The following OCM2 variants were observed in gnomAD, a reference collection of about 807,000 sequenced individuals.
The protein encoded by OCM2 is oncomodulin-2.
A neutral mutation model predicts 13.6 loss-of-function variants in OCM2; 6 were observed. The ratio of observed to expected loss-of-function variants is 0.44; its 90% CI spans 0.24 to 0.87. The LOEUF (loss-of-function observed/expected upper bound fraction) is 0.87. Ranked by LOEUF, OCM2 falls within the 40% of genes least tolerant of loss-of-function variation. The pLI is 0.22. For missense variants in OCM2, 118 were observed against 136.8 expected, an observed-to-expected ratio of 0.86 and a Z score of 0.68; for synonymous variants, 40 against 50.7, an observed-to-expected ratio of 0.79 and a Z score of 0.90.
At chr7:97,987,006 T>A (rs770858783) in intron 3 of OCM2, 41 bp downstream of exon 3, 2 of 1,609,238 alleles carry the variant, frequency 1.2e-6, no homozygotes, top group Non-Finnish European at 1.7e-6. Context: ...GGATGCTTCC[T>A]GAGCTAGAGT....
At chr7:97,988,059 C>T (rs1794689773) in intron 2 of OCM2, among the ~76,000 whole-genome samples, 1 of 151,936 alleles carries the variant, frequency 6.6e-6, no homozygotes, top group Admixed American at 6.6e-5. Flanking sequence ...GATGTGGTGG[C>T]AAGCACCTGT....
At chr7:97,987,060 T>A in exon 3 of OCM2, 1 of 1,613,388 alleles carries the variant, frequency 6.2e-7, no homozygotes, top group Non-Finnish European at 8.5e-7. Flanking sequence ...CTGCTCCAAT[T>A]TTCCCATCTC....
chr7:97,987,176 C>A lies in OCM2; in HGVS notation c.195-20G>T. On this transcript the variant is annotated intron_variant, in intron 2 of 3. Transcript: ENST00000257627. ...AAAAACCTACAGGATAATAAAGATC[C>A]ATGGGGATTTTCAAAAAGGTCGTGC... The A allele has an allele frequency of 6.2e-7, 1 of 1,612,894 alleles. No individual in the cohort carries two copies. Among genetic ancestry groups the A allele is most frequent in the Non-Finnish European group, 8.5e-7 (1 of 1,179,088 alleles).
intron 3 of OCM2, among the ~76,000 whole-genome samples, chr7:97,986,165 G>A (rs1374178619): frequency 6.6e-6 from 1 of 152,138 alleles, no homozygotes; most frequent in Non-Finnish European, 1.5e-5. Flanking sequence ...TGCCCACCTT[G>A]GCCTCCAAAA....
intron 3 of OCM2, among the ~76,000 whole-genome samples, chr7:97,985,431 A>AGAAAGAAAGAAAGAAAGAAAGAAAGAAAG (rs1554366492): frequency 7.6e-6 from 1 of 131,500 alleles, no homozygotes; most frequent in African/African-American, 2.7e-5. Flanking sequence ...AAAAAAAAAA[A>AGAAAGAAAGAAAGAAAGAAAGAAAGAAAG]AAAGAAAGAA....
intron 2 of OCM2, among the ~76,000 whole-genome samples, chr7:97,987,724 C>G (rs1189532321): frequency 6.6e-6 from 1 of 151,886 alleles, no homozygotes; most frequent in Non-Finnish European, 1.5e-5. Context: ...TCTCTGTCAC[C>G]CAGGCTGGAG....
chr7:97,990,016 T>TGGCGCCCCCCCCCCCCCC, intron 1 of OCM2, 28 bp downstream of exon 1: 1 of 1,083,840 alleles, frequency 9.2e-7, no homozygotes, highest in Non-Finnish European at 1.4e-6. Flanking sequence ...TGTGAGGAAA[T>TGGCGCCCCCCCCCCCCCC]CCCACCCCCG....
rs60506626 is a variant in OCM2 at position 97,985,418 on chromosome 7, CAAA to C, written c.305-438_305-436del. Among the ~76,000 whole-genome samples the C allele has an allele frequency of 7.9e-3, 708 of 89,674 alleles. 9 individuals are homozygous for C. The highest frequency in any genetic ancestry group is 0.03 in the African/African-American group (668 of 22,036). 58.8% of individuals were successfully genotyped at this position (89,674 alleles called of 152,430 possible). A position where few individuals can be genotyped will look rare whatever the true frequency, so the allele number is the denominator to read the frequency against. On this transcript the variant is annotated intron_variant, in intron 3 of 3. Coordinates refer to ENST00000257627, the Ensembl canonical transcript of OCM2. ...TGGGCGAGAGAGCCAGACTCCATCTCAAAAAAAAAAAAAAAAGAAAGAAAGAAA... is the reference window on the plus strand; with the variant it reads ...TGGGCGAGAGAGCCAGACTCCATCTCAAAAAAAAAAAAAGAAAGAAAGAAA...
chr7:97,986,384 G>A (rs943646136), intron 3 of OCM2, among the ~76,000 whole-genome samples: 1 of 151,718 alleles, frequency 6.6e-6, no homozygotes, highest in African/African-American at 2.4e-5. Flanking sequence ...CCACCAGAAG[G>A]ACCACCATAC....
rs557066500 is a variant in OCM2, at chr7:97,988,289, A to G, written c.194+127T>C. 8.7e-5 allele frequency: 104 copies of G among 1,190,404 alleles called. 1 individual carries two copies. The South Asian group carries it at 1.5e-3, about 17-fold the overall frequency. 73.7% of individuals were successfully genotyped at this position (1,190,404 alleles called of 1,614,324 possible). A position where few individuals can be genotyped will look rare whatever the true frequency, so the allele number is the denominator to read the frequency against. ...CAACTGACTCATGTCCTTTGCTTTAATGATGCTTGGCCGAATGACCAACAC... is the reference window on the plus strand; with the variant it reads ...CAACTGACTCATGTCCTTTGCTTTAGTGATGCTTGGCCGAATGACCAACAC... On this transcript the variant is annotated intron_variant, in intron 2 of 3. Transcript: ENST00000257627.
At chr7:97,985,019 G>T in intron 3 of OCM2, 36 bp from the exon 4 acceptor site, 1 of 1,614,024 alleles carries the variant, frequency 6.2e-7, no homozygotes. Flanking sequence ...GTCAGTGGAG[G>T]TGGCTTCGTT....
chr7:97,988,785 C>T (rs926779935), intron 1 of OCM2, among the ~76,000 whole-genome samples: 1 of 152,138 alleles, frequency 6.6e-6, no homozygotes, highest in Non-Finnish European at 1.5e-5. Context: ...TTCCTTTTCC[C>T]TCCTCCTCTC....
chr7:97,986,877 C>G (rs1794677343), intron 3 of OCM2, among the ~76,000 whole-genome samples, 170 bp downstream of exon 3: 1 of 152,012 alleles, frequency 6.6e-6, no homozygotes, highest in Non-Finnish European at 1.5e-5. Context: ...GGTTTTTACA[C>G]ACATCATTTG....
chr7:97,988,379 A>G, intron 2 of OCM2, 37 bp downstream of exon 2: 1 of 1,613,014 alleles, frequency 6.2e-7, no homozygotes, highest in South Asian at 1.1e-5. Flanking sequence ...CCCACCCAGC[A>G]GTGCCAGGTA....
chr7:97,988,921 A>ATTTCTTTC (rs1179662943), intron 1 of OCM2, among the ~76,000 whole-genome samples: 70 of 141,016 alleles, frequency 5.0e-4, no homozygotes, highest in African/African-American at 6.0e-4. Context: ...GCCTTTGGCG[A>ATTTCTTTC]TTTCTTTCTT....
rs753442492 is a variant in OCM2, at chr7:97,984,974, T to C, written c.314A>G (p.Glu105Gly). ...CTGGGGCTTTTAAGAATGCACCATT[T>C]CCTGGAATTCTAGAACAGAAGAGGT... is the stretch of plus-strand genomic sequence containing the variant. The change falls in exon 4 of 4, where the codon GAA becomes GGA. Residue 105 changes from glutamate (E) to glycine (G), a missense_variant. Glu to Gly is a moderately conservative substitution (Grantham distance 98, BLOSUM62 -2). Coordinates refer to ENST00000257627, the Ensembl canonical transcript of OCM2. The C allele has an allele frequency of 2.5e-6, 4 of 1,614,138 alleles. No homozygotes were observed. In the Admixed American group the frequency reaches 6.7e-5, roughly 27 times the overall value.
At chr7:97,987,813 G>A (rs1400052162) in intron 2 of OCM2, among the ~76,000 whole-genome samples, 1 of 152,166 alleles carries the variant, frequency 6.6e-6, no homozygotes, top group Non-Finnish European at 1.5e-5. Context: ...CTTCTGAGTA[G>A]CTGGAATTAC....
At chr7:97,988,637 C>T (rs1794696589) in intron 1 of OCM2, 89 bp from the exon 2 acceptor site, 2 of 1,536,024 alleles carry the variant, frequency 1.3e-6, no homozygotes, top group Admixed American at 1.7e-5. Context: ...TGATTAAAAA[C>T]ACTTCAACAA....
In OCM2 at chr7:97,988,436, A is replaced by T. The variant is rs1434473297; in HGVS notation, c.174T>A (p.Tyr58Ter). 2 of 1,614,044 alleles carry T rather than the reference A, an allele frequency of 1.2e-6. No homozygotes were observed. The highest frequency in any genetic ancestry group is 1.7e-6 in the Non-Finnish European group (2 of 1,180,052). ...CTTACTTAAGCTCTTCTTCATCCAGATACCCGCTCTGGTCGTTGTCTATGA... is the reference window on the plus strand; with the variant it reads ...CTTACTTAAGCTCTTCTTCATCCAGTTACCCGCTCTGGTCGTTGTCTATGA... Residue 58 changes from tyrosine (Y) to a stop codon, truncating the protein, a stop_gained, in exon 2 of 4, where the codon TAT (tyrosine) becomes TAA (stop). Transcript: ENST00000257627. LOFTEE classifies it high-confidence loss of function.
Sources: gnomAD v4.1 joint callset for allele counts (sites outside exome capture counted in the v4.1 genomes callset) on GRCh38, gnomAD v4.1.1 for gene constraint, MANE v1.5 for transcripts, NCBI Gene and HGNC (gene_info 2026-07-23, HGNC 2026-07-21) for gene names.